The following MMP26 variants were observed in gnomAD, a reference collection of about 807,000 sequenced individuals.
The protein encoded by MMP26 is matrix metalloproteinase-26.
MMP26 carries 33 observed loss-of-function variants against 31.0 expected under a neutral mutation model. The ratio of observed to expected loss-of-function variants is 1.06; its 90% CI spans 0.81 to 1.42. The LOEUF (loss-of-function observed/expected upper bound fraction) is 1.42, where lower values mean the gene tolerates loss of function less well. Among genes scored for constraint, MMP26 ranks in the 40% most tolerant of loss-of-function variants. The probability of loss-of-function intolerance (pLI) is 0.00; values close to 1 mark genes in which losing one functional copy is unlikely to be tolerated. For missense variants in MMP26, 347 were observed against 316.1 expected, an observed-to-expected ratio of 1.10 and a Z score of -0.74; for synonymous variants, 122 against 114.9, an observed-to-expected ratio of 1.06 and a Z score of -0.40.
chr11:4,924,291 T>G, intron 2 of MMP26: 1 of 1,613,478 alleles, frequency 6.2e-7, no homozygotes, highest in Non-Finnish European at 8.5e-7. Context: ...TGGAAGCCCG[T>G]CAGGAAGAAA....
At chr11:4,847,079 G>A (rs1849881331) in intron 2 of MMP26, among the ~76,000 whole-genome samples, 1 of 152,160 alleles carries the variant, frequency 6.6e-6, no homozygotes, top group South Asian at 2.1e-4. Context: ...TTACCTACTA[G>A]GTTAGCACTA....
chr11:4,769,270 A>C lies in MMP26; in HGVS notation c.-145+1929A>C, dbSNP rs940698397. The stretch of plus-strand genomic sequence containing the variant: ...GAATAATTAAGATATATGACAGGAC[A>C]ATGCATGGTGTATCTATTCCAGTGG... On this transcript the variant is annotated intron_variant, in intron 2 of 7. Transcript: ENST00000380390. 6.8e-6 allele frequency: 11 copies of C among 1,613,594 alleles called. No individual in the cohort carries two copies. In the Admixed American group the frequency reaches 1.0e-4, roughly 15 times the overall value.
At position 4,964,977 on chromosome 11, in the gene MMP26, T is replaced by C. The variant is rs1846572349; in HGVS notation, c.-144-23091T>C. Among the ~76,000 whole-genome samples, 3 of 152,120 alleles carry C rather than the reference T, an allele frequency of 2.0e-5. No homozygotes were observed. The South Asian group carries it at 6.2e-4, about 32-fold the overall frequency. On this transcript the variant is annotated intron_variant, in intron 2 of 7. Transcript: ENST00000380390. ...AAGAATAGCTAATGGATGTTGGGCT[T>C]AATACTTAGGTGATGGAATGATCTG...
At chr11:4,799,615 A>G (rs1849154962) in intron 2 of MMP26, among the ~76,000 whole-genome samples, 2 of 152,244 alleles carry the variant, frequency 1.3e-5, no homozygotes, top group Admixed American at 6.5e-5. Context: ...AAATACAATC[A>G]TCCTTTACCA....
chr11:4,974,942 T>C (rs1589822488), intron 2 of MMP26, among the ~76,000 whole-genome samples: 3 of 151,692 alleles, frequency 2.0e-5, no homozygotes, highest in African/African-American at 7.3e-5. Context: ...CAACACACAC[T>C]GGGGCCTGTC....
chr11:4,860,270 A>G (rs114012042), intron 2 of MMP26: 16 of 471,252 alleles, frequency 3.4e-5, no homozygotes, highest in Non-Finnish European at 6.6e-5. Flanking sequence ...TGCATGATGC[A>G]TGCATCAAAA....
chr11:4,846,279 A>G (rs1473242230), intron 2 of MMP26, among the ~76,000 whole-genome samples: 1 of 152,194 alleles, frequency 6.6e-6, no homozygotes, highest in Non-Finnish European at 1.5e-5. Context: ...AGGTCATTAT[A>G]TTAAGTGACA....
At chr11:4,945,740 G>T in intron 2 of MMP26, 1 of 231,054 alleles carries the variant, frequency 4.3e-6, no homozygotes, top group Non-Finnish European at 8.5e-6. Flanking sequence ...GAATATAAAT[G>T]ATTAAATTAA....
intron 2 of MMP26, chr11:4,877,015 G>A (rs946467462): frequency 2.6e-5 from 4 of 152,900 alleles, no homozygotes; most frequent in African/African-American, 4.8e-5. Flanking sequence ...ATCCTGCTAC[G>A]GAGTGTGGGG....
intron 2 of MMP26, chr11:4,909,279 A>C (rs1316219416): frequency 6.6e-6 from 1 of 152,128 alleles, no homozygotes. Flanking sequence ...ATGATGGAAA[A>C]ATCAAAAGAG....
intron 1 of MMP26, among the ~76,000 whole-genome samples, chr11:4,729,729 A>G (rs535392108): frequency 7.3e-6 from 1 of 136,414 alleles, no homozygotes; most frequent in South Asian, 2.1e-4. Context: ...AGGTGTGAGC[A>G]TATATATATA....
intron 2 of MMP26, among the ~76,000 whole-genome samples, chr11:4,873,980 T>C (rs1850345593): frequency 6.6e-6 from 1 of 151,932 alleles, no homozygotes; most frequent in Admixed American, 6.6e-5. Context: ...GAGATATAGG[T>C]AAAGAGAGAC....
At chr11:4,820,216 T>C (rs1849476540) in intron 2 of MMP26, among the ~76,000 whole-genome samples, 1 of 152,220 alleles carries the variant, frequency 6.6e-6, no homozygotes, top group Admixed American at 6.5e-5. Context: ...TCATTTCTTC[T>C]ACTGCCTAAC....
At chr11:4,783,809 G>A (rs1449232890) in intron 2 of MMP26, among the ~76,000 whole-genome samples, 3 of 152,124 alleles carry the variant, frequency 2.0e-5, no homozygotes, top group African/African-American at 7.2e-5. Context: ...TTGATAAGGG[G>A]CAACCTGTTT....
At chr11:4,885,012 C>T (rs1161304895) in intron 2 of MMP26, among the ~76,000 whole-genome samples, 2 of 151,994 alleles carry the variant, frequency 1.3e-5, no homozygotes, top group Admixed American at 1.3e-4. Context: ...AGTTTTATGG[C>T]AGTCATAAAG....
At chr11:4,917,455 G>A (rs1851114520) in intron 2 of MMP26, among the ~76,000 whole-genome samples, 1 of 152,146 alleles carries the variant, frequency 6.6e-6, no homozygotes, top group Admixed American at 6.5e-5. Context: ...GCCTTTAAAA[G>A]CATTGCTGAT....
intron 1 of MMP26, among the ~76,000 whole-genome samples, chr11:4,739,476 CT>C (rs1169952753): frequency 1.3e-5 from 2 of 152,178 alleles, no homozygotes; most frequent in Non-Finnish European, 2.9e-5. Flanking sequence ...TTTTGTTCTT[CT>C]TGACCTCAAG....
intron 2 of MMP26, chr11:4,915,498 T>C (rs1337937228): frequency 3.7e-6 from 6 of 1,614,102 alleles, no homozygotes; most frequent in Middle Eastern, 3.3e-4. Flanking sequence ...GAGCGCTCTG[T>C]TTTAATGATA....
chr11:4,933,006 T>A (rs1216982212), intron 2 of MMP26, among the ~76,000 whole-genome samples: 2 of 152,188 alleles, frequency 1.3e-5, no homozygotes, highest in Non-Finnish European at 2.9e-5. Flanking sequence ...ATGACATGAA[T>A]GAGTTATGAG....
Sources: gnomAD v4.1 joint callset for allele counts (sites outside exome capture counted in the v4.1 genomes callset) on GRCh38, gnomAD v4.1.1 for gene constraint, MANE v1.5 for transcripts, NCBI Gene and HGNC (gene_info 2026-07-23, HGNC 2026-07-21) for gene names.